The following TSC22D4 variants were observed in gnomAD, a reference collection of about 807,000 sequenced individuals.
TSC22D4 encodes the protein TSC22 domain family protein 4.
A neutral mutation model predicts 24.9 loss-of-function variants in TSC22D4; 5 were observed. The ratio of observed to expected loss-of-function variants is 0.20; its 90% CI spans 0.10 to 0.42. The LOEUF (loss-of-function observed/expected upper bound fraction) is 0.42. TSC22D4 is among the 10% of genes least tolerant of loss of function. TSC22D4 has a pLI of 1.00. For synonymous variants in TSC22D4, 245 were observed against 243.2 expected (o/e 1.01, Z -0.07); for missense variants, 469 against 547.9 (o/e 0.86, Z 1.44).
intron 1 of TSC22D4, 128 bp downstream of exon 1, chr7:100,478,666 A>C (rs897904964): frequency 6.6e-6 from 1 of 152,560 alleles, no homozygotes; most frequent in African/African-American, 2.4e-5. Flanking sequence ...GCAGCTCCCC[A>C]GCCTGGCCCG....
chr7:100,478,043 C>A lies in TSC22D4; in HGVS notation c.-5G>T. The A allele has an allele frequency of 6.3e-7, 1 of 1,590,260 alleles. No individual in the cohort carries two copies. Among genetic ancestry groups the A allele is most frequent in the Non-Finnish European group, 8.5e-7 (1 of 1,170,810 alleles). On this transcript the variant is annotated 5_prime_UTR_variant, in exon 2 of 5. The change creates a premature stop within an existing upstream ORF in the 5' untranslated region. Coordinates refer to ENST00000300181, the MANE Select transcript of TSC22D4 (RefSeq NM_030935.5). ...CTTCTTCTTGCCCCCGCTCATGGTC[C>A]CTGGGGCTCAGGGCTGGGCCAAGGT...
chr7:100,475,391 T>G (rs1304849560), intron 2 of TSC22D4, among the ~76,000 whole-genome samples: 1 of 152,236 alleles, frequency 6.6e-6, no homozygotes, highest in Non-Finnish European at 1.5e-5. Context: ...CCAGGCTGCC[T>G]TCTTAAAATG....
At chr7:100,475,011 G>A (rs982092297) in intron 2 of TSC22D4, among the ~76,000 whole-genome samples, 1 of 151,972 alleles carries the variant, frequency 6.6e-6, no homozygotes, top group African/African-American at 2.4e-5. Context: ...ATGTTGTCCC[G>A]GCTGGTCTCA....
intron 2 of TSC22D4, among the ~76,000 whole-genome samples, chr7:100,476,846 C>T (rs1390202002): frequency 6.6e-6 from 1 of 152,166 alleles, no homozygotes; most frequent in Non-Finnish European, 1.5e-5. Flanking sequence ...AGTGCAGAGA[C>T]TGGCAGCGCG....
At chr7:100,467,320 G>T in intron 4 of TSC22D4, 152 bp from the exon 5 acceptor site, 2 of 914,182 alleles carry the variant, frequency 2.2e-6, no homozygotes, top group East Asian at 2.5e-5. Context: ...AGGGACAGAG[G>T]CAGAGTCAGG....
intron 3 of TSC22D4, among the ~76,000 whole-genome samples, chr7:100,471,968 C>T (rs1584349037): frequency 6.6e-6 from 1 of 152,078 alleles, no homozygotes; most frequent in Non-Finnish European, 1.5e-5. Context: ...CCCCCACCCC[C>T]ATTCCTTCCA....
intron 3 of TSC22D4, among the ~76,000 whole-genome samples, chr7:100,471,610 T>G (rs111493330): frequency 0.033 from 5,016 of 152,110 alleles, 289 homozygotes; most frequent in African/African-American, 0.11. Flanking sequence ...CATGGTGGCA[T>G]GCACCTGTAG....
In TSC22D4 at chr7:100,477,636, G is replaced by A. The variant is rs940859109; in HGVS notation, c.403C>T (p.Leu135=). The change falls in exon 2 of 5, where the codon CTG becomes TTG. Residue 135 remains leucine (L), a synonymous_variant. Coordinates refer to ENST00000300181, the MANE Select transcript of TSC22D4 (RefSeq NM_030935.5). The surrounding 1 kb of genome is among the most constrained non-coding windows in gnomAD (Gnocchi z 7.8). ...CCTGACGGTGGGGTGGGGGCGCCCAGGCCGAGGCTGGCCAGCTCCAACCTG... is the reference window on the plus strand; with the variant it reads ...CCTGACGGTGGGGTGGGGGCGCCCAAGCCGAGGCTGGCCAGCTCCAACCTG... ...DSRLELASLG[L]GAPTPPSGLS... The A allele has an allele frequency of 1.3e-6, 2 of 1,594,594 alleles. No individual in the cohort carries two copies. The highest frequency in any genetic ancestry group is 2.7e-5 in the African/African-American group (2 of 74,796).
chr7:100,467,759 G>T (rs1025559139), intron 3 of TSC22D4, 159 bp from the exon 4 acceptor site: 23 of 788,222 alleles, frequency 2.9e-5, no homozygotes, highest in Non-Finnish European at 4.8e-5. Context: ...GAAGGCCGCT[G>T]CCCAGGGCCT....
chr7:100,476,702 C>A (rs1032557218), intron 2 of TSC22D4, among the ~76,000 whole-genome samples: 1 of 152,170 alleles, frequency 6.6e-6, no homozygotes, highest in African/African-American at 2.4e-5. Flanking sequence ...AACCAGCAGG[C>A]CCCCTCCCTG....
At position 100,477,277 on chromosome 7, in the gene TSC22D4, C is replaced by T; in HGVS notation, c.762G>A (p.Gln254=). 2.7e-6 allele frequency: 4 copies of T among 1,498,588 alleles called. No homozygotes were observed. The highest frequency in any genetic ancestry group is 2.7e-6 in the Non-Finnish European group (3 of 1,123,144). 92.8% of individuals were successfully genotyped at this position (1,498,588 alleles called of 1,614,324 possible). ...MELGAPEEMG[Q]VPPLDSRPSS... is the part of the protein sequence containing the mutation. ...GCCAGCCCTAGAACCCAGGTCTTAC[C>T]TGCCCCATCTCTTCTGGAGCACCCA... The change falls in exon 2 of 5, where the codon CAG becomes CAA. Residue 254 remains glutamine, a splice_region_variant and synonymous_variant. Coordinates refer to ENST00000300181, the MANE Select transcript of TSC22D4 (RefSeq NM_030935.5). The surrounding 1 kb of genome is among the most constrained non-coding windows in gnomAD (Gnocchi z 7.8).
rs752033963 is a variant in TSC22D4, at chr7:100,477,885, G to A, written c.154C>T (p.Pro52Ser). ...RLPNGEPSPD[P>S]GGKGTPRNGS... ...TTCCGGGGGGTGCCCTTGCCCCCCGGATCGGGGCTGGGCTCCCCATTGGGC... is the reference window on the plus strand; with the variant it reads ...TTCCGGGGGGTGCCCTTGCCCCCCGAATCGGGGCTGGGCTCCCCATTGGGC... Residue 52 changes from proline (P) to serine (S), a missense_variant, in exon 2 of 5, where the codon CCG becomes TCG. Coordinates refer to ENST00000300181, the MANE Select transcript of TSC22D4 (RefSeq NM_030935.5). The surrounding 1 kb of genome is among the most constrained non-coding windows in gnomAD (Gnocchi z 7.8). 4 of 1,574,650 alleles carry A rather than the reference G, an allele frequency of 2.5e-6. No individual in the cohort carries two copies. The highest frequency in any genetic ancestry group is 1.9e-5 in the Admixed American group (1 of 53,512).
chr7:100,478,153 G>C lies in TSC22D4; in HGVS notation c.-115C>G. 1 of 931,802 alleles carries C rather than the reference G, an allele frequency of 1.1e-6. No homozygotes were observed. Among genetic ancestry groups the C allele is most frequent in the South Asian group, 1.7e-5 (1 of 58,368 alleles). 57.7% of individuals were successfully genotyped at this position (931,802 alleles called of 1,614,324 possible). A position where few individuals can be genotyped will look rare whatever the true frequency, so the allele number is the denominator to read the frequency against. On this transcript the variant is annotated 5_prime_UTR_variant, in exon 2 of 5. Transcript: ENST00000300181. ...TGGCGGGGACATCCGAGCCCCTGGGGACGTCTGGGTCCGACATGGCAGGAG... is the reference window on the plus strand; with the variant it reads ...TGGCGGGGACATCCGAGCCCCTGGGCACGTCTGGGTCCGACATGGCAGGAG...
chr7:100,477,154 A>G lies in TSC22D4; in HGVS notation c.762+123T>C. On this transcript the variant is annotated intron_variant, in intron 2 of 4. Coordinates refer to ENST00000300181, the MANE Select transcript of TSC22D4 (RefSeq NM_030935.5). The surrounding 1 kb of genome is among the most constrained non-coding windows in gnomAD (Gnocchi z 7.8). ...GAGTGACCTGGCAGGCACAGAGAAG[A>G]GGGCTATCTGATCTTATAAAGTGAT... is the stretch of plus-strand genomic sequence containing the variant. 1 of 831,498 alleles carries G rather than the reference A, an allele frequency of 1.2e-6. No individual in the cohort carries two copies. Among genetic ancestry groups the G allele is most frequent in the Non-Finnish European group, 1.7e-6 (1 of 575,348 alleles). The allele number at this position is 831,498 out of a possible 1,614,324, so 51.5% of individuals were successfully genotyped here.
rs1781496313 is a variant in TSC22D4, at chr7:100,466,809, G to A, written c.*150C>T. 5.2e-6 allele frequency: 4 copies of A among 770,942 alleles called. No individual in the cohort carries two copies. Among genetic ancestry groups the A allele is most frequent in the South Asian group, 2.0e-5 (1 of 51,158 alleles). The allele number at this position is 770,942 out of a possible 1,614,324, so 47.8% of individuals were successfully genotyped here. On this transcript the variant is annotated 3_prime_UTR_variant, in exon 5 of 5. Transcript: ENST00000300181. ...CCATCAAGGCTGGGGATGATGAGGAGATGGGGCAGGGGCCGGGGGACCAGG... is the reference window on the plus strand; with the variant it reads ...CCATCAAGGCTGGGGATGATGAGGAAATGGGGCAGGGGCCGGGGGACCAGG...
intron 3 of TSC22D4, chr7:100,473,769 T>A (rs542369178): frequency 1.5e-5 from 1 of 65,570 alleles, no homozygotes; most frequent in African/African-American, 4.5e-5. Context: ...TATATATATA[T>A]TTTTTTTTTC....
In TSC22D4 at chr7:100,478,029, C is replaced by A. The variant is rs1459607697; in HGVS notation, c.10G>T (p.Gly4Cys). The A allele has an allele frequency of 1.3e-6, 2 of 1,593,174 alleles. No individual in the cohort carries two copies. Among genetic ancestry groups the A allele is most frequent in the Admixed American group, 1.8e-5 (1 of 56,180 alleles). The change falls in exon 2 of 5, where the codon GGC (glycine) becomes TGC (cysteine). Residue 4 changes from glycine (G) to cysteine (C), a missense_variant. Transcript: ENST00000300181. MSG[G>C]KKKSSFQITS... is the part of the protein sequence containing the mutation. ...ATTTGGAAACTACTCTTCTTCTTGC[C>A]CCCGCTCATGGTCCCTGGGGCTCAG... is the stretch of plus-strand genomic sequence containing the variant.
Position 100,466,633 on chromosome 7 carries a change from C to G in TSC22D4, c.*326G>C. On this transcript the variant is annotated 3_prime_UTR_variant, in exon 5 of 5. Coordinates refer to ENST00000300181, the MANE Select transcript of TSC22D4 (RefSeq NM_030935.5). ...CCTGGGCAGAGGAGAGGAGGCACCT[C>G]AAGGGAACAAGATGGGGGTGGGGTG... 1 of 364,752 alleles carries G rather than the reference C, an allele frequency of 2.7e-6. No homozygotes were observed. Among genetic ancestry groups the G allele is most frequent in the Non-Finnish European group, 5.0e-6 (1 of 201,128 alleles). 22.6% of individuals were successfully genotyped at this position (364,752 alleles called of 1,614,324 possible).
chr7:100,469,424 C>T (rs1348273271), intron 3 of TSC22D4, among the ~76,000 whole-genome samples: 2 of 151,964 alleles, frequency 1.3e-5, no homozygotes, highest in Non-Finnish European at 2.9e-5. Context: ...CACCAGAGGG[C>T]GACTCAGGCC....
Sources: allele counts gnomAD v4.1 joint callset (sites outside exome capture counted in the v4.1 genomes callset), GRCh38; gene constraint gnomAD v4.1.1; non-coding constraint Gnocchi (gnomAD v3.1); transcripts MANE v1.5; gene names NCBI Gene and HGNC (gene_info 2026-07-23, HGNC 2026-07-21).